Variants in BMPR1B observed in about 807,000 individuals in gnomAD.
BMPR1B encodes the protein bone morphogenetic protein receptor type-1B.
Under a neutral mutation model 59.1 loss-of-function variants are expected in BMPR1B, and 12 were observed. That is an observed-to-expected ratio of 0.20 (90% CI 0.13 to 0.33). The LOEUF (loss-of-function observed/expected upper bound fraction) is 0.33, where lower values mean the gene tolerates loss of function less well. BMPR1B is among the 10% of genes least tolerant of loss of function. The pLI is 1.00. For missense variants in BMPR1B, 550 were observed against 610.9 expected (o/e 0.90, Z 1.05); for synonymous variants, 237 against 207.3 (o/e 1.14, Z -1.23).
intron 2 of BMPR1B, among the ~76,000 whole-genome samples, chr4:94,922,349 G>A (rs764060295): frequency 2.0e-5 from 3 of 152,030 alleles, no homozygotes; most frequent in Non-Finnish European, 2.9e-5. Context: ...ATGAGAGAGA[G>A]ACTGAGAGAT....
At chr4:95,085,989 CTG>C (rs3068102) in intron 3 of BMPR1B, among the ~76,000 whole-genome samples, 49,525 of 149,608 alleles carry the variant, frequency 0.33, 8,084 homozygotes, top group Middle Eastern at 0.45. Context: ...GTGTGTGTAC[CTG>C]TGTGTGTGTG....
intron 1 of BMPR1B, among the ~76,000 whole-genome samples, chr4:94,824,188 C>T (rs759295585): frequency 3.3e-5 from 5 of 152,158 alleles, no homozygotes; most frequent in Non-Finnish European, 7.4e-5. Flanking sequence ...TTTTGATGCA[C>T]GAATTTACCA....
intron 8 of BMPR1B, among the ~76,000 whole-genome samples, 171 bp from the exon 9 acceptor site, chr4:95,129,691 A>T (rs1733167758): frequency 6.6e-6 from 1 of 152,220 alleles, no homozygotes; most frequent in Admixed American, 6.5e-5. Flanking sequence ...AAATATGTTT[A>T]AAAGAGTGTA....
intron 2 of BMPR1B, among the ~76,000 whole-genome samples, chr4:94,902,458 A>G (rs911655815): frequency 3.9e-5 from 6 of 151,958 alleles, no homozygotes; most frequent in African/African-American, 1.4e-4. Context: ...TTATCTCTAG[A>G]GAGGAAGAGA....
chr4:94,788,843 A>G (rs1201273988), intron 1 of BMPR1B, among the ~76,000 whole-genome samples: 3 of 152,194 alleles, frequency 2.0e-5, no homozygotes, highest in Non-Finnish European at 4.4e-5. Context: ...CGCCTGCCCA[A>G]GCCTGAGCAA....
At chr4:94,876,809 A>G (rs780303798) in intron 2 of BMPR1B, among the ~76,000 whole-genome samples, 1 of 152,200 alleles carries the variant, frequency 6.6e-6, no homozygotes, top group Non-Finnish European at 1.5e-5. Context: ...AATACATGTT[A>G]TACTTCTTAA....
intron 2 of BMPR1B, among the ~76,000 whole-genome samples, chr4:94,916,475 C>T (rs759476136): frequency 1.3e-4 from 20 of 152,184 alleles, no homozygotes; most frequent in Admixed American, 2.6e-4. Flanking sequence ...GCATTCTATT[C>T]ATGCCCTAGG....
chr4:94,849,398 A>G (rs949123884), intron 1 of BMPR1B, among the ~76,000 whole-genome samples: 9 of 152,158 alleles, frequency 5.9e-5, no homozygotes, highest in Non-Finnish European at 1.2e-4. Flanking sequence ...GTTTCAGTAG[A>G]GGTCAAGGCG....
At chr4:95,072,235 G>A (rs886805834) in intron 3 of BMPR1B, among the ~76,000 whole-genome samples, 10 of 152,126 alleles carry the variant, frequency 6.6e-5, no homozygotes, top group South Asian at 2.1e-4. Context: ...AGGCCCACCC[G>A]CAGTAGGGAG....
At chr4:94,898,001 C>T (rs1727655854) in intron 2 of BMPR1B, among the ~76,000 whole-genome samples, 1 of 133,786 alleles carries the variant, frequency 7.5e-6, no homozygotes, top group Admixed American at 8.8e-5. Flanking sequence ...AGGCTGAGTG[C>T]AGTGGCACAG....
intron 1 of BMPR1B, among the ~76,000 whole-genome samples, chr4:94,834,111 C>G (rs1724705735): frequency 6.6e-6 from 1 of 152,176 alleles, no homozygotes; most frequent in African/African-American, 2.4e-5. Flanking sequence ...CAGTCATTTC[C>G]CATTATACCT....
intron 3 of BMPR1B, among the ~76,000 whole-genome samples, chr4:95,025,541 TGTG>T (rs550790449): frequency 5.9e-5 from 9 of 152,150 alleles, no homozygotes; most frequent in African/African-American, 9.7e-5. Context: ...TTACCACACT[TGTG>T]GTAGTGTAAA....
intron 1 of BMPR1B, among the ~76,000 whole-genome samples, chr4:94,813,245 G>A (rs1333592314): frequency 2.0e-5 from 3 of 151,588 alleles, no homozygotes; most frequent in Admixed American, 2.0e-4. Flanking sequence ...AAGAGCTGTG[G>A]GAAAAAAAAG....
chr4:94,988,876 A>G (rs1407367937), intron 2 of BMPR1B, among the ~76,000 whole-genome samples: 1 of 152,030 alleles, frequency 6.6e-6, no homozygotes, highest in Non-Finnish European at 1.5e-5. Context: ...GGAAAAGAAA[A>G]GGATAAAAAC....
At chr4:94,955,160 C>A (rs1037553187) in intron 2 of BMPR1B, among the ~76,000 whole-genome samples, 3 of 152,224 alleles carry the variant, frequency 2.0e-5, no homozygotes, top group Non-Finnish European at 4.4e-5. Context: ...TTAGCATCTT[C>A]TGCCTTGCCT....
intron 1 of BMPR1B, among the ~76,000 whole-genome samples, chr4:94,812,777 A>C (rs1352597688): frequency 6.6e-6 from 1 of 152,188 alleles, no homozygotes; most frequent in African/African-American, 2.4e-5. Flanking sequence ...GGTTTTTGAA[A>C]GTGATTTTTT....
chr4:95,102,866 G>A (rs1223387132), intron 3 of BMPR1B, among the ~76,000 whole-genome samples: 1 of 152,034 alleles, frequency 6.6e-6, no homozygotes, highest in African/African-American at 2.4e-5. Flanking sequence ...GAGTCTACAA[G>A]TAATTTGTTT....
chr4:94,781,360 T>C (rs1722584260), intron 1 of BMPR1B, among the ~76,000 whole-genome samples: 1 of 152,236 alleles, frequency 6.6e-6, no homozygotes, highest in Non-Finnish European at 1.5e-5. Flanking sequence ...TTTTTTCTTT[T>C]GTTTTTATGC....
chr4:94,832,399 T>C (rs1471478946), intron 1 of BMPR1B, among the ~76,000 whole-genome samples: 1 of 152,212 alleles, frequency 6.6e-6, no homozygotes, highest in African/African-American at 2.4e-5. Context: ...TGAAGTTAAC[T>C]AGAGTCCCCA....
Sources: gnomAD v4.1 joint callset for allele counts (sites outside exome capture counted in the v4.1 genomes callset) on GRCh38, gnomAD v4.1.1 for gene constraint, MANE v1.5 for transcripts, NCBI Gene and HGNC (gene_info 2026-07-23, HGNC 2026-07-21) for gene names.